LGALS12: variants seen among roughly 807,000 people sequenced by gnomAD.
LGALS12 encodes galectin-12.
A neutral mutation model predicts 36.8 loss-of-function variants in LGALS12; 36 were observed. That is an observed-to-expected ratio of 0.98 (90% CI 0.75 to 1.29). The LOEUF (loss-of-function observed/expected upper bound fraction) is 1.29, where lower values mean the gene tolerates loss of function less well. Among genes scored for constraint, LGALS12 ranks in the 50% most tolerant of loss-of-function variants. The probability of loss-of-function intolerance (pLI) is 0.00; values close to 1 mark genes in which losing one functional copy is unlikely to be tolerated. For missense variants in LGALS12, 366 were observed against 394.3 expected, an observed-to-expected ratio of 0.93 and a Z score of 0.61; for synonymous variants, 145 against 155.9, an observed-to-expected ratio of 0.93 and a Z score of 0.52.
At chr11:63,513,829 C>T (rs1185154393) in intron 7 of LGALS12, among the ~76,000 whole-genome samples, 1 of 152,136 alleles carries the variant, frequency 6.6e-6, no homozygotes, top group Non-Finnish European at 1.5e-5. Flanking sequence ...CAGAGCTTCA[C>T]TGGGCATCTG....
intron 8 of LGALS12, 55 bp downstream of exon 8, chr11:63,515,768 C>G: frequency 6.4e-7 from 1 of 1,569,608 alleles, no homozygotes. Flanking sequence ...GAGCTGAAGT[C>G]CCATAATGAC....
At chr11:63,508,270 G>T in intron 1 of LGALS12, 1 of 1,290,046 alleles carries the variant, frequency 7.8e-7, no homozygotes, top group Non-Finnish European at 9.9e-7. Flanking sequence ...GCAGCCTGTT[G>T]TGTCCTAGGA....
rs777261872 is a variant in LGALS12 at position 63,510,490 on chromosome 11, C to T, written c.520C>T (p.Pro174Ser). 1 of 1,613,992 alleles carries T rather than the reference C, an allele frequency of 6.2e-7. No homozygotes were observed. The highest frequency in any genetic ancestry group is 1.1e-5 in the South Asian group (1 of 91,086). Reference sequence around the variant, plus strand: ...ATTTGTGGAGGGCAGCAGAGAGTACCCAGCTGGACATGTGAGTTTCTTGGC... The same window carrying T: ...ATTTGTGGAGGGCAGCAGAGAGTACTCAGCTGGACATGTGAGTTTCTTGGC... Reference protein sequence around the residue: ...NPFVEGSREYPAGHPFLLMSP... With the variant: ...NPFVEGSREYSAGHPFLLMSP... The change falls in exon 5 of 9, where the codon CCA becomes TCA. Residue 174 changes from proline to serine, a missense_variant. By Grantham distance (74) the Pro-to-Ser change is moderately conservative. Transcript: ENST00000394618.
intron 7 of LGALS12, among the ~76,000 whole-genome samples, chr11:63,512,529 A>G (rs6591808): frequency 0.34 from 51,329 of 151,972 alleles, 12,239 homozygotes; most frequent in African/African-American, 0.68. Flanking sequence ...GGTGGCTCAC[A>G]CCTATAATCC....
In LGALS12 at chr11:63,509,040, C is replaced by A. The variant is rs756610222; in HGVS notation, c.372+49C>A. 3 of 1,418,366 alleles carry A rather than the reference C, an allele frequency of 2.1e-6. No homozygotes were observed. The East Asian group carries it at 7.0e-5, about 33-fold the overall frequency. 87.9% of individuals were successfully genotyped at this position (1,418,366 alleles called of 1,614,324 possible). On this transcript the variant is annotated intron_variant, in intron 3 of 8. Coordinates refer to ENST00000394618, the MANE Select transcript of LGALS12 (RefSeq NM_033101.4). ...GTGGTCTAGAATTTGTGTCCTTGCG[C>A]CCTTCCTTCCCTCAGCCAGACTCCC...
In LGALS12 at chr11:63,510,445, TTC is replaced by T. The variant is rs2016882871; in HGVS notation, c.493-12_493-11del. 1 of 1,614,000 alleles carries T rather than the reference TTC, an allele frequency of 6.2e-7. No individual in the cohort carries two copies. Among genetic ancestry groups the T allele is most frequent in the Non-Finnish European group, 8.5e-7 (1 of 1,179,832 alleles). ...GTGGTCCTAAATGCTGCTGATTCTTTTCTCTCTTTCTGAACAGCCATTTGTGG... is the reference window on the plus strand; with the variant it reads ...GTGGTCCTAAATGCTGCTGATTCTTTTCTCTTTCTGAACAGCCATTTGTGG... On this transcript the variant is annotated splice_polypyrimidine_tract_variant and intron_variant, in intron 4 of 8. Coordinates refer to ENST00000394618, the MANE Select transcript of LGALS12 (RefSeq NM_033101.4).
chr11:63,511,819 T>C lies in LGALS12; in HGVS notation c.626T>C (p.Leu209Pro). The change falls in exon 7 of 9, where the codon CTG becomes CCG. Residue 209 changes from leucine to proline, a missense_variant. Coordinates refer to ENST00000394618, the MANE Select transcript of LGALS12 (RefSeq NM_033101.4). Reference protein sequence around the residue: ...SPGQVIIVRGLVLQEPKHFTV... With the variant: ...SPGQVIIVRGPVLQEPKHFTV... The stretch of plus-strand genomic sequence containing the variant: ...GGGCAGGTCATCATAGTACGGGGAC[T>C]GGTCTTGCAAGAGCCGAAGCAGTAA... 1 of 1,613,498 alleles carries C rather than the reference T, an allele frequency of 6.2e-7. No homozygotes were observed. The highest frequency in any genetic ancestry group is 8.5e-7 in the Non-Finnish European group (1 of 1,179,646).
intron 7 of LGALS12, among the ~76,000 whole-genome samples, chr11:63,513,743 C>T (rs2016994227): frequency 6.6e-6 from 1 of 152,186 alleles, no homozygotes; most frequent in African/African-American, 2.4e-5. Flanking sequence ...GAAAATCTAT[C>T]CCTCCTTCTT....
chr11:63,515,772 T>C, intron 8 of LGALS12, 59 bp downstream of exon 8: 1 of 1,569,070 alleles, frequency 6.4e-7, no homozygotes, highest in Admixed American at 1.7e-5. Context: ...TGAAGTCCCA[T>C]AATGACCTGG....
rs771269751 is a variant in LGALS12, at chr11:63,508,896, G to A, written c.277G>A (p.Gly93Arg). 1.2e-6 allele frequency: 2 copies of A among 1,614,126 alleles called. No homozygotes were observed. Among genetic ancestry groups the A allele is most frequent in the African/African-American group, 2.7e-5 (2 of 74,952 alleles). The change falls in exon 3 of 9, where the codon GGA (glycine) becomes AGA (arginine). Residue 93 changes from glycine to arginine, a missense_variant. By Grantham distance (125) the Gly-to-Arg change is moderately radical. Coordinates refer to ENST00000394618, the MANE Select transcript of LGALS12 (RefSeq NM_033101.4). The part of the protein sequence containing the change: ...PHVICNTLHG[G>R]RWQREARWPH... ...TGTCATCTGCAACACCCTGCATGGT[G>A]GACGCTGGCAAAGGGAGGCCCGGTG...
intron 5 of LGALS12, among the ~76,000 whole-genome samples, chr11:63,510,749 G>A (rs2016894382): frequency 6.6e-6 from 1 of 152,222 alleles, no homozygotes; most frequent in Admixed American, 6.5e-5. Flanking sequence ...ATTCCTAGCA[G>A]GAGAGGCCTT....
chr11:63,509,471 C>T (rs535339835), intron 3 of LGALS12, among the ~76,000 whole-genome samples: 1 of 152,200 alleles, frequency 6.6e-6, no homozygotes, highest in Non-Finnish European at 1.5e-5. Context: ...AGGGTAGCCT[C>T]TTGAGCCTCA....
intron 7 of LGALS12, among the ~76,000 whole-genome samples, chr11:63,512,046 G>A (rs2016942387): frequency 6.6e-6 from 1 of 152,236 alleles, no homozygotes; most frequent in Non-Finnish European, 1.5e-5. Flanking sequence ...CAGCCCCACT[G>A]CTGGGAGCAT....
chr11:63,507,924 G>C (rs1260439814), intron 1 of LGALS12: 1 of 498,666 alleles, frequency 2.0e-6, no homozygotes, highest in African/African-American at 2.1e-5. Flanking sequence ...TTTTAGTAGA[G>C]ATAGGGTTTC....
rs199873928 is a variant in LGALS12, at chr11:63,510,541, C to G, written c.531+40C>G. On this transcript the variant is annotated intron_variant, in intron 5 of 8. Transcript: ENST00000394618. ...AGCAAGGTCTGAGCAGCCACACCAG[C>G]TGACCCGCCCTTCTGGACTGCTGCT... is the stretch of plus-strand genomic sequence containing the variant. 1.2e-5 allele frequency: 20 copies of G among 1,602,590 alleles called. No homozygotes were observed. The East Asian group carries it at 4.5e-4, about 36-fold the overall frequency.
At chr11:63,509,703 G>A in intron 3 of LGALS12, 75 bp from the exon 4 acceptor site, 1 of 1,534,224 alleles carries the variant, frequency 6.5e-7, no homozygotes, top group Non-Finnish European at 8.9e-7. Flanking sequence ...AAAAGTGCTT[G>A]GCAATGCCTG....
At chr11:63,508,143 C>T in intron 1 of LGALS12, 1 of 1,054,370 alleles carries the variant, frequency 9.5e-7, no homozygotes, top group Non-Finnish European at 1.1e-6. Context: ...CTTGTCCATT[C>T]TTCTTGCCTC....
intron 5 of LGALS12, 63 bp from the exon 6 acceptor site, chr11:63,511,016 G>A (rs2016901853): frequency 5.9e-6 from 9 of 1,524,966 alleles, no homozygotes; most frequent in South Asian, 4.5e-5. Flanking sequence ...AGAATAACAA[G>A]AGTTTCCCTT....
intron 7 of LGALS12, among the ~76,000 whole-genome samples, chr11:63,513,131 C>A (rs1172253034): frequency 6.6e-6 from 1 of 152,150 alleles, no homozygotes; most frequent in African/African-American, 2.4e-5. Flanking sequence ...ATAAACAGTG[C>A]GGTCGTGGGC....
Sources: allele counts gnomAD v4.1 joint callset (sites outside exome capture counted in the v4.1 genomes callset), GRCh38; gene constraint gnomAD v4.1.1; transcripts MANE v1.5; gene names NCBI Gene and HGNC (gene_info 2026-07-23, HGNC 2026-07-21).